The following PGA5 variants were observed in gnomAD, a reference collection of about 807,000 sequenced individuals.
The protein encoded by PGA5 is pepsin A-5.
Under a neutral mutation model 15.9 loss-of-function variants are expected in PGA5, and 19 were observed. That is an observed-to-expected ratio of 1.19 (90% CI 0.83 to 1.75). The LOEUF (loss-of-function observed/expected upper bound fraction) is 1.75, where lower values mean the gene tolerates loss of function less well. Ranked by LOEUF, PGA5 falls within the 40% of genes most tolerant of loss-of-function variation. The pLI, the probability that PGA5 is intolerant of heterozygous loss-of-function variation, is 0.00. For missense variants in PGA5, 224 were observed against 246.4 expected (o/e 0.91, Z 0.61); for synonymous variants, 92 against 95.8 (o/e 0.96, Z 0.23).
At position 61,251,227 on chromosome 11, in the gene PGA5, C is replaced by G. The variant is rs1324426290; in HGVS notation, c.1113C>G (p.Tyr371Ter). ...TGGGTGATGTCTTCATCCGCCAGTA[C>G]TTTACCGTCTTCGACAGGGCAAACA... ...WILGDVFIRQYFTVFDRANNQ... is the reference protein window; with the variant it reads ...WILGDVFIRQ Residue 371 changes from tyrosine to a stop codon, truncating the protein, a stop_gained, in exon 9 of 9, where the codon TAC becomes TAG. Transcript: ENST00000312403. LOFTEE classifies it low-confidence loss of function (END_TRUNC). The G allele has an allele frequency of 2.5e-6, 4 of 1,611,792 alleles. No homozygotes were observed. Among genetic ancestry groups the G allele is most frequent in the South Asian group, 2.2e-5 (2 of 90,990 alleles).
At chr11:61,248,201 A>G (rs749478036) in intron 5 of PGA5, 4 of 1,151,032 alleles carry the variant, frequency 3.5e-6, no homozygotes, top group Non-Finnish European at 3.9e-6. Flanking sequence ...AGGTGGCCTC[A>G]CCTCCCTCAG....
At position 61,245,829 on chromosome 11, in the gene PGA5, AC is replaced by A. The variant is rs1590590335; in HGVS notation, c.457-114del. ...CCCTCTGCCCTCCTCCCGGGCTGAT[AC>A]CCTGGAAGCCAAGTCCTGCATGAGA... is the stretch of plus-strand genomic sequence containing the variant. On this transcript the variant is annotated intron_variant, in intron 4 of 8. Transcript: ENST00000312403. 20 of 115,866 alleles carry A rather than the reference AC, an allele frequency of 1.7e-4. No homozygotes were observed. In the East Asian group the frequency reaches 3.4e-3, roughly 20 times the overall value. 7.2% of individuals were successfully genotyped at this position (115,866 alleles called of 1,614,324 possible).
At chr11:61,250,623 G>A in intron 8 of PGA5, 1 of 459,698 alleles carries the variant, frequency 2.2e-6, no homozygotes. Flanking sequence ...ACTGATGCCT[G>A]GGCTCCCCCA....
rs1293965400 is a variant in PGA5 at position 61,250,001 on chromosome 11, C to A, written c.1004C>A (p.Ala335Asp). Residue 335 changes from alanine (A) to aspartate (D), a missense_variant, in exon 8 of 9, where the codon GCC becomes GAC. Physicochemically the swap from Ala to Asp is moderately radical, Grantham distance 126. Transcript: ENST00000312403. ...GTCCAGTACCCCGTGCCACCCAGTG[C>A]CTACATCCTGCAGGTGAGGAGGCTC... ...NGVQYPVPPSAYILQSEGSCI... is the reference protein window; with the variant it reads ...NGVQYPVPPSDYILQSEGSCI... 6.2e-7 allele frequency: 1 copy of A among 1,610,186 alleles called. No homozygotes were observed. Among genetic ancestry groups the A allele is most frequent in the Non-Finnish European group, 8.5e-7 (1 of 1,178,750 alleles).
At chr11:61,249,529 G>A (rs942722542) in intron 6 of PGA5, 140 bp from the exon 7 acceptor site, 1 of 1,468,804 alleles carries the variant, frequency 6.8e-7, no homozygotes, top group Non-Finnish European at 9.4e-7. Flanking sequence ...ATGAATGAGT[G>A]CGTGAACGAG....
At chr11:61,247,812 C>G (rs1410379130) in intron 5 of PGA5, among the ~76,000 whole-genome samples, 1 of 151,988 alleles carries the variant, frequency 6.6e-6, no homozygotes, top group Non-Finnish European at 1.5e-5. Flanking sequence ...CAGCCAGATC[C>G]GAGTTTCTCA....
chr11:61,248,880 C>G (rs1359193280), intron 6 of PGA5, among the ~76,000 whole-genome samples: 1 of 152,134 alleles, frequency 6.6e-6, no homozygotes, highest in Non-Finnish European at 1.5e-5. Context: ...AACAAGCACA[C>G]GCTCCTGCCA....
At chr11:61,248,289 C>A (rs776342004) in intron 5 of PGA5, 130 bp from the exon 6 acceptor site, 29 of 1,608,026 alleles carry the variant, frequency 1.8e-5, no homozygotes, top group Middle Eastern at 1.6e-4. Context: ...GGAAAAGAAA[C>A]CACATTGGTC....
In PGA5 at chr11:61,248,979, G is replaced by A. The variant is rs577098749; in HGVS notation, c.773+444G>A. ...TCACTTCATTCCACCCTCCCCTTCGGGGCCTCCCCTGTCTCCCTGGCAGCT... is the reference window on the plus strand; with the variant it reads ...TCACTTCATTCCACCCTCCCCTTCGAGGCCTCCCCTGTCTCCCTGGCAGCT... On this transcript the variant is annotated intron_variant, in intron 6 of 8. Transcript: ENST00000312403. Among the ~76,000 whole-genome samples, 16 of 152,218 alleles carry A rather than the reference G, an allele frequency of 1.1e-4. No homozygotes were observed. The East Asian group carries it at 3.1e-3, about 29-fold the overall frequency.
At chr11:61,248,169 C>A (rs1854091359) in intron 5 of PGA5, 4 of 835,868 alleles carry the variant, frequency 4.8e-6, no homozygotes, top group African/African-American at 1.7e-5. Flanking sequence ...TTCCACCACT[C>A]CCCCGCTGTG....
At chr11:61,248,167 C>T in intron 5 of PGA5, 2 of 828,938 alleles carry the variant, frequency 2.4e-6, no homozygotes, top group Admixed American at 2.0e-5. Context: ...AGTTCCACCA[C>T]TCCCCCGCTG....
chr11:61,250,285 G>A (rs148902495), intron 8 of PGA5, among the ~76,000 whole-genome samples: 19,494 of 150,534 alleles, frequency 0.13, 1,881 homozygotes, highest in African/African-American at 0.25. Flanking sequence ...CCAAGTCCTG[G>A]GTCTGAATTA....
intron 8 of PGA5, chr11:61,250,755 G>A (rs1276135208): frequency 4.2e-6 from 2 of 480,840 alleles, no homozygotes; most frequent in Non-Finnish European, 8.2e-6. Flanking sequence ...GAGGCAAGAG[G>A]GCTAATAGCT....
intron 5 of PGA5, among the ~76,000 whole-genome samples, chr11:61,247,809 A>G (rs1018725753): frequency 6.6e-6 from 1 of 151,988 alleles, no homozygotes; most frequent in Non-Finnish European, 1.5e-5. Flanking sequence ...CCCCAGCCAG[A>G]TCCGAGTTTC....
At chr11:61,248,611 G>C (rs1283570942) in intron 6 of PGA5, 76 bp downstream of exon 6, 3 of 1,581,208 alleles carry the variant, frequency 1.9e-6, no homozygotes, top group Non-Finnish European at 2.6e-6. Context: ...TAGCCAATCA[G>C]CTTTCCAGAA....
In PGA5 at chr11:61,251,234, G is replaced by A. The variant is rs769536848; in HGVS notation, c.1120G>A (p.Val374Ile). 2.4e-4 allele frequency: 380 copies of A among 1,611,822 alleles called. No individual in the cohort carries two copies. The East Asian group carries it at 6.9e-3, about 29-fold the overall frequency. The part of the protein sequence containing the change: ...GDVFIRQYFT[V>I]FDRANNQVGL... The stretch of plus-strand genomic sequence containing the variant: ...TGTCTTCATCCGCCAGTACTTTACC[G>A]TCTTCGACAGGGCAAACAACCAGGT... The change falls in exon 9 of 9, where the codon GTC (valine) becomes ATC (isoleucine). Residue 374 changes from valine to isoleucine, a missense_variant. By Grantham distance (29) the Val-to-Ile change is conservative (BLOSUM62 3). Coordinates refer to ENST00000312403, the MANE Select transcript of PGA5 (RefSeq NM_014224.5).
intron 6 of PGA5, 112 bp from the exon 7 acceptor site, chr11:61,249,557 G>T (rs1157189941): frequency 6.3e-7 from 1 of 1,577,314 alleles, no homozygotes; most frequent in Non-Finnish European, 8.7e-7. Flanking sequence ...GAAATTTCAC[G>T]CATTGGCCAA....
At position 61,251,113 on chromosome 11, in the gene PGA5, T is replaced by C. The variant is rs781140969; in HGVS notation, c.1018-19T>C. On this transcript the variant is annotated intron_variant, in intron 8 of 8. Transcript: ENST00000312403. ...CTGAATCGGTGTCCCAGCTCCACTTTTATTCTCCTTTTCTCCAGAGCGAGG... is the reference window on the plus strand; with the variant it reads ...CTGAATCGGTGTCCCAGCTCCACTTCTATTCTCCTTTTCTCCAGAGCGAGG... 1 of 1,611,812 alleles carries C rather than the reference T, an allele frequency of 6.2e-7. No homozygotes were observed. The highest frequency in any genetic ancestry group is 8.5e-7 in the Non-Finnish European group (1 of 1,179,856).
Position 61,248,438 on chromosome 11 carries a change from G to A in PGA5, c.676G>A (p.Val226Met), listed in dbSNP as rs201699329. 45 of 1,613,816 alleles carry A rather than the reference G, an allele frequency of 2.8e-5. No individual in the cohort carries two copies. The highest frequency in any genetic ancestry group is 4.0e-5 in the African/African-American group (3 of 74,892). ...CCACAGCGATGACAAGAGTGGCAGC[G>A]TGGTGATCTTTGGTGGCATTGACTC... Reference protein sequence around the residue: ...YLSADDKSGSVVIFGGIDSSY... With the variant: ...YLSADDKSGSMVIFGGIDSSY... Residue 226 changes from valine to methionine, a missense_variant, in exon 6 of 9, where the codon GTG (valine) becomes ATG (methionine). By Grantham distance (21) the Val-to-Met change is conservative. Transcript: ENST00000312403.
Sources: allele counts gnomAD v4.1 joint callset (sites outside exome capture counted in the v4.1 genomes callset), GRCh38; gene constraint gnomAD v4.1.1; transcripts MANE v1.5; gene names NCBI Gene and HGNC (gene_info 2026-07-23, HGNC 2026-07-21).